The following RIMS1 variants were observed in gnomAD, a reference collection of about 807,000 sequenced individuals.
RIMS1 encodes the protein regulating synaptic membrane exocytosis 1.
Under a neutral mutation model 214.1 loss-of-function variants are expected in RIMS1, and 83 were observed. The observed-to-expected ratio is 0.39, with a 90% CI of 0.32 to 0.47. The LOEUF (loss-of-function observed/expected upper bound fraction) is 0.47. Among genes scored for constraint, RIMS1 ranks in the 20% least tolerant of loss-of-function variants. The pLI is 0.99. For missense variants in RIMS1, 2,050 were observed against 2,161.8 expected (o/e 0.95, Z 1.03); for synonymous variants, 793 against 786.8 (o/e 1.01, Z -0.13).
chr6:72,306,051 A>G (rs1392336530), intron 26 of RIMS1, among the ~76,000 whole-genome samples: 1 of 152,142 alleles, frequency 6.6e-6, no homozygotes, highest in Admixed American at 6.6e-5. Flanking sequence ...ATCAAGGATG[A>G]TAGGCCACAT....
At chr6:71,926,129 C>T (rs78771558) in intron 1 of RIMS1, among the ~76,000 whole-genome samples, 16,914 of 152,130 alleles carry the variant, frequency 0.11, 1,191 homozygotes, top group Non-Finnish European at 0.15. Flanking sequence ...GCAGGGGTTT[C>T]ACCATGTCGG....
At chr6:72,397,826 G>A (rs1202982464) in intron 31 of RIMS1, among the ~76,000 whole-genome samples, 1 of 152,060 alleles carries the variant, frequency 6.6e-6, no homozygotes, top group South Asian at 2.1e-4. Context: ...AGACAGACAG[G>A]CAGAGAGATT....
Position 72,400,984 on chromosome 6 carries a change from C to G in RIMS1, c.*270C>G. 7.3e-6 allele frequency: 3 copies of G among 411,166 alleles called. No homozygotes were observed. Among genetic ancestry groups the G allele is most frequent in the Non-Finnish European group, 1.3e-5 (3 of 222,718 alleles). 25.5% of individuals were successfully genotyped at this position (411,166 alleles called of 1,614,324 possible). On this transcript the variant is annotated 3_prime_UTR_variant, in exon 34 of 34. Transcript: ENST00000521978. The stretch of plus-strand genomic sequence containing the variant: ...ATAGAAAAAGAGGAAACTTTAAATC[C>G]ACGCATACACGTACACACACACATG...
intron 4 of RIMS1, among the ~76,000 whole-genome samples, chr6:72,152,906 AATATATGTAT>A (rs1416244353): frequency 1.8e-5 from 2 of 110,570 alleles, no homozygotes; most frequent in African/African-American, 6.1e-5. Context: ...ATATATATGG[AATATATGTAT>A]ATATATGTAT....
intron 2 of RIMS1, among the ~76,000 whole-genome samples, chr6:72,031,965 T>C (rs1373534118): frequency 1.3e-5 from 2 of 152,160 alleles, no homozygotes; most frequent in Non-Finnish European, 2.9e-5. Flanking sequence ...TTTTATAATA[T>C]AATGTAAAGT....
chr6:72,041,340 G>A (rs902186211), intron 2 of RIMS1, among the ~76,000 whole-genome samples: 1 of 151,818 alleles, frequency 6.6e-6, no homozygotes, highest in African/African-American at 2.4e-5. Flanking sequence ...TTAGATAATA[G>A]AGGTTTTGAA....
chr6:71,946,958 C>T (rs1788010869), intron 1 of RIMS1, among the ~76,000 whole-genome samples: 1 of 151,940 alleles, frequency 6.6e-6, no homozygotes, highest in African/African-American at 2.4e-5. Context: ...GATAAATAAC[C>T]TGATTAAAAA....
chr6:72,062,340 T>A (rs913793642), intron 2 of RIMS1, among the ~76,000 whole-genome samples: 3 of 152,108 alleles, frequency 2.0e-5, no homozygotes, highest in African/African-American at 7.2e-5. Context: ...ATCCTATGGC[T>A]TTTTTTATAC....
At chr6:71,888,989 AGTCCGTCT>A (rs1454872539) in intron 1 of RIMS1, among the ~76,000 whole-genome samples, 2 of 152,190 alleles carry the variant, frequency 1.3e-5, no homozygotes, top group African/African-American at 2.4e-5. Flanking sequence ...TCTGGTTGTC[AGTCCGTCT>A]GTACTCACTG....
intron 16 of RIMS1, among the ~76,000 whole-genome samples, chr6:72,255,392 C>G (rs1182143420): frequency 6.6e-6 from 1 of 152,160 alleles, no homozygotes; most frequent in African/African-American, 2.4e-5. Context: ...CTCAAAAGCT[C>G]TGTACAAAAT....
intron 2 of RIMS1, among the ~76,000 whole-genome samples, chr6:71,971,175 A>G (rs918715781): frequency 1.3e-5 from 2 of 152,210 alleles, no homozygotes; most frequent in African/African-American, 4.8e-5. Context: ...GGTTTTAATT[A>G]GAGGAATGGC....
rs769608799 is a variant in RIMS1 at position 72,235,741 on chromosome 6, G to T, written c.1857+13G>T. 6.6e-7 allele frequency: 1 copy of T among 1,504,456 alleles called. No individual in the cohort carries two copies. Among genetic ancestry groups the T allele is most frequent in the Non-Finnish European group, 9.1e-7 (1 of 1,099,396 alleles). 93.2% of individuals were successfully genotyped at this position (1,504,456 alleles called of 1,614,324 possible). A position where few individuals can be genotyped will look rare whatever the true frequency, so the allele number is the denominator to read the frequency against. Reference sequence around the variant, plus strand: ...GCTGGGTCTGAAAGTAAGTATGCTGGTTTAAAATGTTTCTTAAAGGGTGAA... The same window carrying T: ...GCTGGGTCTGAAAGTAAGTATGCTGTTTTAAAATGTTTCTTAAAGGGTGAA... On this transcript the variant is annotated intron_variant, in intron 8 of 33. Coordinates refer to ENST00000521978, the MANE Select transcript of RIMS1 (RefSeq NM_014989.7).
intron 2 of RIMS1, among the ~76,000 whole-genome samples, chr6:72,087,520 T>G (rs2153787139): frequency 6.6e-6 from 1 of 152,304 alleles, no homozygotes; most frequent in South Asian, 2.1e-4. Flanking sequence ...CCTGGGACTT[T>G]TTCTACTAAA....
In RIMS1 at chr6:72,333,786, T is replaced by C. The variant is rs372862808; in HGVS notation, c.4317T>C (p.Val1439=). Residue 1439 remains valine (V), a synonymous_variant, in exon 29 of 34, where the codon GTT becomes GTC. Coordinates refer to ENST00000521978, the MANE Select transcript of RIMS1 (RefSeq NM_014989.7). ...KRRSSLSAKV[V]AIVSRRSRST... ...GATCCAGCCTTAGTGCCAAAGTGGT[T>C]GCCATAGTGTCTCGAAGGAGTAGAA... 5.6e-6 allele frequency: 9 copies of C among 1,596,462 alleles called. No individual in the cohort carries two copies. The Admixed American group carries it at 7.0e-5, about 12-fold the overall frequency.
chr6:72,085,576 T>C (rs921082659), intron 2 of RIMS1, among the ~76,000 whole-genome samples: 10 of 152,144 alleles, frequency 6.6e-5, no homozygotes, highest in African/African-American at 2.4e-4. Flanking sequence ...AGATGACAGA[T>C]CTGTGAAAAA....
chr6:72,297,712 G>T (rs1020064806), intron 26 of RIMS1, among the ~76,000 whole-genome samples: 1 of 151,932 alleles, frequency 6.6e-6, no homozygotes, highest in Non-Finnish European at 1.5e-5. Context: ...CGTCCAGGAA[G>T]GTATAGGTCA....
At chr6:72,204,515 C>T (rs573784655) in intron 6 of RIMS1, among the ~76,000 whole-genome samples, 5 of 152,172 alleles carry the variant, frequency 3.3e-5, no homozygotes, top group Non-Finnish European at 7.4e-5. Context: ...CATTATTTGG[C>T]AGTGTTCTGC....
intron 4 of RIMS1, chr6:72,148,688 A>T: frequency 2.3e-6 from 1 of 438,610 alleles, no homozygotes; most frequent in South Asian, 1.6e-5. Flanking sequence ...TGCTGTCACT[A>T]ACCTTTGGGT....
intron 6 of RIMS1, among the ~76,000 whole-genome samples, chr6:72,210,531 G>A (rs933589318): frequency 6.6e-6 from 1 of 152,150 alleles, no homozygotes. Context: ...TATTCTCATG[G>A]AGGATCTTAG....
Sources: allele counts gnomAD v4.1 joint callset (sites outside exome capture counted in the v4.1 genomes callset), GRCh38; gene constraint gnomAD v4.1.1; transcripts MANE v1.5; gene names NCBI Gene and HGNC (gene_info 2026-07-23, HGNC 2026-07-21).